Variants in ZNF385C observed in about 807,000 individuals in gnomAD.
ZNF385C encodes the protein CTD-2132N18.2.
Under a neutral mutation model 35.4 loss-of-function variants are expected in ZNF385C, and 28 were observed. The observed-to-expected ratio is 0.79, with a 90% CI of 0.59 to 1.08. The LOEUF is 1.08. Among genes scored for constraint, ZNF385C ranks in the 50% least tolerant of loss-of-function variants. ZNF385C has a pLI of 0.00. For missense variants in ZNF385C, 605 were observed against 595.6 expected, an observed-to-expected ratio of 1.02 and a Z score of -0.16; for synonymous variants, 248 against 248.2, an observed-to-expected ratio of 1.00 and a Z score of 0.01.
rs575793757 is a variant in ZNF385C at position 42,079,846 on chromosome 17, A to G, written c.-2-16788T>C. Among the ~76,000 whole-genome samples the G allele has an allele frequency of 2.2e-3, 331 of 152,212 alleles. 1 individual carries two copies. Among genetic ancestry groups the G allele is most frequent in the African/African-American group, 7.7e-3 (320 of 41,514 alleles). On this transcript the variant is annotated intron_variant, in intron 1 of 8. Coordinates refer to ENST00000692273, the MANE Select transcript of ZNF385C (RefSeq NM_001392013.1). Reference sequence around the variant, plus strand: ...GCAAAAAAAAAGAAAGAAGACAAACAGGCTTGGGTAGAATGCCAAAGATCT... The same window carrying G: ...GCAAAAAAAAAGAAAGAAGACAAACGGGCTTGGGTAGAATGCCAAAGATCT...
chr17:42,035,994 C>G (rs1291538819), intron 3 of ZNF385C, among the ~76,000 whole-genome samples: 4 of 150,936 alleles, frequency 2.7e-5, no homozygotes, highest in African/African-American at 9.7e-5. Context: ...GATTTTTTTT[C>G]TTTTCCTTAT....
intron 1 of ZNF385C, among the ~76,000 whole-genome samples, chr17:42,085,895 C>G (rs1307768474): frequency 6.6e-6 from 1 of 152,060 alleles, no homozygotes; most frequent in Non-Finnish European, 1.5e-5. Context: ...CCACGCCCGG[C>G]CTCTGCAAAA....
chr17:42,086,513 C>G (rs918597574), intron 1 of ZNF385C, among the ~76,000 whole-genome samples: 2 of 152,006 alleles, frequency 1.3e-5, no homozygotes, highest in Non-Finnish European at 2.9e-5. Context: ...ACCAGCCTGG[C>G]CAACATGGAG....
chr17:42,040,865 G>A (rs2053002309), intron 2 of ZNF385C: 1 of 1,232,324 alleles, frequency 8.1e-7, no homozygotes, highest in African/African-American at 1.5e-5. Context: ...GCCAGCAGTG[G>A]GCAAGTGGCC....
At chr17:42,070,362 AT>A (rs1464370658) in intron 1 of ZNF385C, among the ~76,000 whole-genome samples, 1 of 152,174 alleles carries the variant, frequency 6.6e-6, no homozygotes, top group Non-Finnish European at 1.5e-5. Flanking sequence ...AAAAAATAAA[AT>A]AAAATAGATA....
chr17:42,027,574 C>T, intron 8 of ZNF385C, 44 bp downstream of exon 8: 1 of 648,082 alleles, frequency 1.5e-6, no homozygotes, highest in Non-Finnish European at 2.5e-6. Context: ...CCCACCCTCT[C>T]CCCTCCTGAC....
chr17:42,038,111 C>T, intron 2 of ZNF385C: 1 of 1,524,162 alleles, frequency 6.6e-7, no homozygotes, highest in Admixed American at 2.0e-5. Context: ...GGCTCCCAGC[C>T]CAGAGGGATG....
chr17:42,062,981 G>A lies in ZNF385C; in HGVS notation c.76C>T (p.Arg26Trp), dbSNP rs1393825462. The change falls in exon 2 of 9, where the codon CGG becomes TGG. Residue 26 changes from arginine to tryptophan, a missense_variant. Transcript: ENST00000692273. ...PISGAAECLP[R>W]PPEPPKPKRE... ...TTGGGCTTAGGTGGTTCTGGGGGCCGAGGGAGGCACTCAGCAGCTCCAGAT... is the reference window on the plus strand; with the variant it reads ...TTGGGCTTAGGTGGTTCTGGGGGCCAAGGGAGGCACTCAGCAGCTCCAGAT... The A allele has an allele frequency of 1.4e-5, 10 of 693,998 alleles. No individual in the cohort carries two copies. The highest frequency in any genetic ancestry group is 2.8e-5 in the East Asian group (1 of 36,192). The allele number at this position is 693,998 out of a possible 1,614,324, so 43.0% of individuals were successfully genotyped here. A position where few individuals can be genotyped will look rare whatever the true frequency, so the allele number is the denominator to read the frequency against.
intron 2 of ZNF385C, among the ~76,000 whole-genome samples, chr17:42,042,634 G>C (rs2053052385): frequency 6.6e-6 from 1 of 152,190 alleles, no homozygotes; most frequent in Non-Finnish European, 1.5e-5. Context: ...TAAGAGGCCT[G>C]GTCTGGCCTC....
At chr17:42,040,894 C>T in intron 2 of ZNF385C, 2 of 1,232,244 alleles carry the variant, frequency 1.6e-6, no homozygotes, top group Non-Finnish European at 2.0e-6. Flanking sequence ...TGGGCCCACA[C>T]TCCCCAGGCG....
intron 4 of ZNF385C, among the ~76,000 whole-genome samples, chr17:42,032,944 T>C (rs746665419): frequency 6.6e-6 from 1 of 151,676 alleles, no homozygotes; most frequent in Non-Finnish European, 1.5e-5. Context: ...GGCTGGTCTC[T>C]AACTCCTGAC....
At chr17:42,036,810 C>T (rs555600286) in intron 3 of ZNF385C, among the ~76,000 whole-genome samples, 1 of 152,092 alleles carries the variant, frequency 6.6e-6, no homozygotes, top group South Asian at 2.1e-4. Flanking sequence ...CCCCAAATGC[C>T]TCAGACTCCT....
intron 2 of ZNF385C, among the ~76,000 whole-genome samples, chr17:42,057,488 TTAGG>T (rs1432725629): frequency 1.6e-4 from 13 of 79,582 alleles, no homozygotes; most frequent in African/African-American, 4.7e-4. Flanking sequence ...TTAAAGTTAT[TTAGG>T]GGTGTGCGCG....
chr17:42,092,930 C>T (rs1477434038), intron 1 of ZNF385C, among the ~76,000 whole-genome samples: 3 of 118,916 alleles, frequency 2.5e-5, no homozygotes, highest in African/African-American at 9.6e-5. Context: ...GGCGGGGGTC[C>T]GGGGAAGGCT....
chr17:42,038,308 T>C, intron 2 of ZNF385C: 1 of 490,304 alleles, frequency 2.0e-6, no homozygotes, highest in Non-Finnish European at 3.6e-6. Flanking sequence ...CCCTCGCCCC[T>C]CTCACTCTCT....
At chr17:42,093,984 CTT>C (rs782233998) in intron 1 of ZNF385C, among the ~76,000 whole-genome samples, 22 of 137,330 alleles carry the variant, frequency 1.6e-4, no homozygotes, top group Non-Finnish European at 1.7e-4. Flanking sequence ...GCATTATCAC[CTT>C]TTTTTTTTTT....
At chr17:42,057,762 G>A (rs1555657675) in intron 2 of ZNF385C, among the ~76,000 whole-genome samples, 3 of 152,046 alleles carry the variant, frequency 2.0e-5, no homozygotes, top group African/African-American at 7.2e-5. Context: ...TGGCCAATAT[G>A]GTGAAACTCC....
intron 6 of ZNF385C, 128 bp from the exon 7 acceptor site, chr17:42,028,374 T>C: frequency 3.2e-6 from 3 of 949,828 alleles, no homozygotes; most frequent in East Asian, 2.8e-5. Flanking sequence ...CACATCGCCC[T>C]CCAGCCACAC....
intron 2 of ZNF385C, chr17:42,061,449 G>C (rs1246228688): frequency 2.0e-5 from 3 of 151,982 alleles, no homozygotes; most frequent in African/African-American, 7.3e-5. Context: ...TCAAACTCCT[G>C]GCCTTAAGTG....
Sources: gnomAD v4.1 joint callset for allele counts (sites outside exome capture counted in the v4.1 genomes callset) on GRCh38, gnomAD v4.1.1 for gene constraint, MANE v1.5 for transcripts, NCBI Gene and HGNC (gene_info 2026-07-23, HGNC 2026-07-21) for gene names.